KIF15: variants seen among roughly 807,000 people sequenced by gnomAD.
The protein encoded by KIF15 is kinesin-like protein KIF15.
Under a neutral mutation model 190.6 loss-of-function variants are expected in KIF15, and 140 were observed. That is an observed-to-expected ratio of 0.73 (90% CI 0.64 to 0.84). The LOEUF is 0.84. Among genes scored for constraint, KIF15 ranks in the 40% least tolerant of loss-of-function variants. The pLI, the probability that KIF15 is intolerant of heterozygous loss-of-function variation, is 0.00. For synonymous variants in KIF15, 528 were observed against 551.3 expected (o/e 0.96, Z 0.59); for missense variants, 1,372 against 1,584.4 (o/e 0.87, Z 2.28).
chr3:44,780,817 GTAT>G (rs1355282579), intron 4 of KIF15, 65 bp from the exon 5 acceptor site: 10 of 1,015,362 alleles, frequency 9.8e-6, no homozygotes, highest in East Asian at 5.0e-5. Flanking sequence ...TTATACACTA[GTAT>G]TATAATAGGA....
chr3:44,862,160 G>T, intron 6 of KIF15: 1 of 1,055,766 alleles, frequency 9.5e-7, no homozygotes, highest in Non-Finnish European at 1.2e-6. Flanking sequence ...CGGGCGGGCG[G>T]GCGGGGCGCC....
At chr3:44,817,628 G>A (rs561088198) in intron 20 of KIF15, among the ~76,000 whole-genome samples, 5 of 152,320 alleles carry the variant, frequency 3.3e-5, no homozygotes, top group African/African-American at 4.8e-5. Context: ...GTACCATGCT[G>A]TTTTGGTTAC....
At chr3:44,774,532 A>G in intron 2 of KIF15, 95 bp downstream of exon 2, 1 of 1,103,726 alleles carries the variant, frequency 9.1e-7, no homozygotes, top group South Asian at 1.5e-5. Flanking sequence ...ACTTATTTCA[A>G]AATTTAACTT....
At chr3:44,786,306 C>A (rs1706402754) in intron 6 of KIF15, 89 bp from the exon 7 acceptor site, 2 of 1,054,078 alleles carry the variant, frequency 1.9e-6, no homozygotes, top group Non-Finnish European at 2.7e-6. Flanking sequence ...AAATTTACAT[C>A]TTGTGAAGCG....
chr3:44,775,268 C>G lies in KIF15; in HGVS notation c.77C>G (p.Ala26Gly), dbSNP rs754189240. The G allele has an allele frequency of 6.2e-7, 1 of 1,612,740 alleles. No individual in the cohort carries two copies. Among genetic ancestry groups the G allele is most frequent in the Non-Finnish European group, 8.5e-7 (1 of 1,179,430 alleles). ...QSNQPSNEGD[A>G]IKVFVRIRPP... is the part of the protein sequence containing the mutation. ...TTTGTCTTTAGTAATGAAGGTGATG[C>G]CATCAAAGTTTTTGTGCGAATTCGT... The change falls in exon 3 of 35, where the codon GCC becomes GGC. Residue 26 changes from alanine (A) to glycine (G), a missense_variant. Transcript: ENST00000326047.
chr3:44,815,570 G>A (rs140624399), intron 20 of KIF15, among the ~76,000 whole-genome samples: 5 of 152,306 alleles, frequency 3.3e-5, no homozygotes, highest in South Asian at 4.1e-4. Context: ...AGGGAAAGGT[G>A]TGCTCTTACT....
At chr3:44,804,975 C>T in intron 14 of KIF15, 52 bp from the exon 15 acceptor site, 3 of 1,554,036 alleles carry the variant, frequency 1.9e-6, no homozygotes, top group Non-Finnish European at 1.7e-6. Context: ...CATAGTGAGG[C>T]CCTGTCTCAG....
intron 8 of KIF15, among the ~76,000 whole-genome samples, chr3:44,795,743 G>T (rs1382606959): frequency 6.6e-6 from 1 of 151,970 alleles, no homozygotes; most frequent in Non-Finnish European, 1.5e-5. Flanking sequence ...CTATAGTTTA[G>T]AATATACATG....
chr3:44,797,135 C>G (rs1184919022), intron 8 of KIF15, among the ~76,000 whole-genome samples: 1 of 152,282 alleles, frequency 6.6e-6, no homozygotes, highest in Middle Eastern at 3.4e-3. Context: ...TCAAGTGATC[C>G]TCCCACCTCA....
chr3:44,856,671 A>T (rs149453906), downstream of KIF15, among the ~76,000 whole-genome samples: 1 of 152,166 alleles, frequency 6.6e-6, no homozygotes, highest in African/African-American at 2.4e-5. Flanking sequence ...TTATCAGCAT[A>T]AGCATTGCCC....
At chr3:44,816,572 A>G (rs1197302524) in intron 20 of KIF15, among the ~76,000 whole-genome samples, 2 of 152,146 alleles carry the variant, frequency 1.3e-5, no homozygotes, top group Admixed American at 1.3e-4. Context: ...ACATGAACTC[A>G]TCCTTTTTTA....
chr3:44,774,238 G>A (rs1303180922), intron 1 of KIF15, among the ~76,000 whole-genome samples, 157 bp from the exon 2 acceptor site: 1 of 152,230 alleles, frequency 6.6e-6, no homozygotes, highest in Non-Finnish European at 1.5e-5. Flanking sequence ...GGGATAGAAT[G>A]AGAATAGGAT....
intron 4 of KIF15, 59 bp from the exon 5 acceptor site, chr3:44,780,826 T>C: frequency 9.0e-7 from 1 of 1,111,206 alleles, no homozygotes; most frequent in Non-Finnish European, 1.3e-6. Context: ...AGTATTATAA[T>C]AGGAGGAGTA....
chr3:44,802,460 C>T (rs1022419735), intron 13 of KIF15, among the ~76,000 whole-genome samples: 13 of 152,224 alleles, frequency 8.5e-5, no homozygotes, highest in Admixed American at 2.0e-4. Context: ...TTGCACTTCG[C>T]CTTTTTCAGT....
At chr3:44,795,825 C>T (rs138576634) in intron 8 of KIF15, among the ~76,000 whole-genome samples, 16 of 152,098 alleles carry the variant, frequency 1.1e-4, no homozygotes, top group East Asian at 3.9e-4. Context: ...GGATTTGAGT[C>T]GCCTGACCTA....
At chr3:44,761,938 T>G in intron 1 of KIF15, 54 bp downstream of exon 1, 1 of 1,612,328 alleles carries the variant, frequency 6.2e-7, no homozygotes, top group Non-Finnish European at 8.5e-7. Context: ...AATACAGCTG[T>G]GAAAGGATGG....
chr3:44,832,008 T>C (rs1204285095), intron 26 of KIF15, among the ~76,000 whole-genome samples: 1 of 152,162 alleles, frequency 6.6e-6, no homozygotes, highest in Non-Finnish European at 1.5e-5. Context: ...GGAAAGATGA[T>C]TGAAAAACAC....
At chr3:44,818,503 T>C (rs1322179569) in intron 20 of KIF15, among the ~76,000 whole-genome samples, 5 of 152,244 alleles carry the variant, frequency 3.3e-5, no homozygotes, top group Admixed American at 2.6e-4. Context: ...GAGATAATCA[T>C]GTGGTTTTTG....
At position 44,826,033 on chromosome 3, in the gene KIF15, A is replaced by T. The variant is rs59678460; in HGVS notation, c.2550-6A>T. 2 of 1,576,204 alleles carry T rather than the reference A, an allele frequency of 1.3e-6. No individual in the cohort carries two copies. The highest frequency in any genetic ancestry group is 8.6e-7 in the Non-Finnish European group (1 of 1,168,590). On this transcript the variant is annotated splice_polypyrimidine_tract_variant and splice_region_variant and intron_variant, in intron 20 of 34. Coordinates refer to ENST00000326047, the MANE Select transcript of KIF15 (RefSeq NM_020242.3). ...TTACCATTTTTAAAATGTTTTCCTTATAAAGGTTAGAAAACGAAAAGCTGC... is the reference window on the plus strand; with the variant it reads ...TTACCATTTTTAAAATGTTTTCCTTTTAAAGGTTAGAAAACGAAAAGCTGC...
Sources: gnomAD v4.1 joint callset for allele counts (sites outside exome capture counted in the v4.1 genomes callset) on GRCh38, gnomAD v4.1.1 for gene constraint, MANE v1.5 for transcripts, NCBI Gene and HGNC (gene_info 2026-07-23, HGNC 2026-07-21) for gene names.